GEMIN5: variants seen among roughly 807,000 people sequenced by gnomAD.
The protein encoded by GEMIN5 is gem nuclear organelle associated protein 5, also known as gem-associated protein 5.
In GEMIN5, 124 loss-of-function variants were observed where a neutral mutation model predicts 176.9. The ratio of observed to expected loss-of-function variants is 0.70; its 90% CI spans 0.61 to 0.81. GEMIN5 has a LOEUF of 0.81. Among genes scored for constraint, GEMIN5 ranks in the 40% least tolerant of loss-of-function variants. GEMIN5 has a pLI of 0.00. For missense variants in GEMIN5, 1,843 were observed against 1,814.6 expected (o/e 1.02, Z -0.28); for synonymous variants, 673 against 665.2 (o/e 1.01, Z -0.18).
intron 20 of GEMIN5, among the ~76,000 whole-genome samples, chr5:154,902,225 C>T (rs1236346770): frequency 2.0e-5 from 3 of 152,158 alleles, no homozygotes; most frequent in African/African-American, 7.2e-5. Flanking sequence ...TTAAGCAATC[C>T]TCCTGCCTCA....
intron 21 of GEMIN5, among the ~76,000 whole-genome samples, chr5:154,900,502 G>GC (rs1327311897): frequency 6.6e-6 from 1 of 152,200 alleles, no homozygotes; most frequent in Non-Finnish European, 1.5e-5. Context: ...AGGATGGTCA[G>GC]CCCTAAGAGA....
At chr5:154,933,544 T>C (rs1316767977) in intron 3 of GEMIN5, among the ~76,000 whole-genome samples, 2 of 152,232 alleles carry the variant, frequency 1.3e-5, no homozygotes, top group East Asian at 3.8e-4. Flanking sequence ...TGATGACTAG[T>C]AATGGAACTG....
rs1328906704 is a variant in GEMIN5, at chr5:154,887,861, G to C, written c.*349C>G. ...GATGAAGTATTTACAAAGGTAGCTTGTGTTTTAAGCATGTAACACTTTGGG... is the reference window on the plus strand; with the variant it reads ...GATGAAGTATTTACAAAGGTAGCTTCTGTTTTAAGCATGTAACACTTTGGG... On this transcript the variant is annotated 3_prime_UTR_variant, in exon 28 of 28. Transcript: ENST00000285873. 4.3e-6 allele frequency: 1 copy of C among 234,746 alleles called. No individual in the cohort carries two copies. The highest frequency in any genetic ancestry group is 8.3e-6 in the Non-Finnish European group (1 of 121,060). The allele number at this position is 234,746 out of a possible 1,614,324, so 14.5% of individuals were successfully genotyped here. A position where few individuals can be genotyped will look rare whatever the true frequency, so the allele number is the denominator to read the frequency against.
intron 6 of GEMIN5, 113 bp downstream of exon 6, chr5:154,928,414 A>C: frequency 3.4e-6 from 3 of 892,506 alleles, no homozygotes; most frequent in Non-Finnish European, 5.3e-6. Context: ...TTTCCATTTC[A>C]AATGGCCCAT....
intron 3 of GEMIN5, 147 bp downstream of exon 3, chr5:154,935,694 G>A (rs1764252863): frequency 1.6e-6 from 1 of 609,162 alleles, no homozygotes; most frequent in South Asian, 2.1e-5. Context: ...AGACCTGGAG[G>A]AATAAATGAT....
chr5:154,927,456 C>T lies in GEMIN5; in HGVS notation c.1009G>A (p.Val337Met), dbSNP rs147970218. The T allele has an allele frequency of 1.2e-6, 2 of 1,601,706 alleles. No homozygotes were observed. Among genetic ancestry groups the T allele is most frequent in the African/African-American group, 2.7e-5 (2 of 74,772 alleles). The change falls in exon 7 of 28, where the codon GTG becomes ATG. Residue 337 changes from valine to methionine, a missense_variant. Physicochemically the swap from Val to Met is conservative, Grantham distance 21. Coordinates refer to ENST00000285873, the MANE Select transcript of GEMIN5 (RefSeq NM_015465.5). Reference protein sequence around the residue: ...SSEGQNHSRIVFNLCPLQTED... With the variant: ...SSEGQNHSRIMFNLCPLQTED... ...GTTTGTAAAGGACATAAATTAAACA[C>T]AATTCTTGAATGATTTTGCCCTTCT...
intron 4 of GEMIN5, among the ~76,000 whole-genome samples, 171 bp downstream of exon 4, chr5:154,931,928 G>A (rs914768568): frequency 2.6e-5 from 4 of 152,216 alleles, no homozygotes; most frequent in African/African-American, 4.8e-5. Flanking sequence ...CAGGAGAATC[G>A]CTTGAACCCG....
chr5:154,907,711 C>T lies in GEMIN5; in HGVS notation c.2275G>A (p.Asp759Asn). The change falls in exon 16 of 28, where the codon GAT becomes AAT. Residue 759 changes from aspartate (D) to asparagine (N), a missense_variant. Asp to Asn is a conservative substitution (Grantham distance 23). Coordinates refer to ENST00000285873, the MANE Select transcript of GEMIN5 (RefSeq NM_015465.5). ...TTCATGCTTTCTTCTTCATTTCCAT[C>T]AATCGATTCCAGCTTTACAGGAGTT... ...LRTPVKLESIDGNEEESMKEN... is the reference protein window; with the variant it reads ...LRTPVKLESINGNEEESMKEN... 1 of 1,614,128 alleles carries T rather than the reference C, an allele frequency of 6.2e-7. No homozygotes were observed. Among genetic ancestry groups the T allele is most frequent in the Non-Finnish European group, 8.5e-7 (1 of 1,179,990 alleles).
At position 154,924,531 on chromosome 5, in the gene GEMIN5, T is replaced by G; in HGVS notation, c.1317A>C (p.Glu439Asp). Residue 439 changes from glutamate to aspartate, a missense_variant, in exon 9 of 28, where the codon GAA (glutamate) becomes GAC (aspartate). Physicochemically the swap from Glu to Asp is conservative, Grantham distance 45 (BLOSUM62 2). Coordinates refer to ENST00000285873, the MANE Select transcript of GEMIN5 (RefSeq NM_015465.5). ...CATCAGTTCCAAAAGCTAAGCAACCTTCCTTGGTTGGGTGCCAGCACAGCT... is the reference window on the plus strand; with the variant it reads ...CATCAGTTCCAAAAGCTAAGCAACCGTCCTTGGTTGGGTGCCAGCACAGCT... ...VTALCWHPTKEGCLAFGTDDG... is the reference protein window; with the variant it reads ...VTALCWHPTKDGCLAFGTDDG... 3.1e-6 allele frequency: 5 copies of G among 1,611,858 alleles called. No homozygotes were observed. The highest frequency in any genetic ancestry group is 4.2e-6 in the Non-Finnish European group (5 of 1,178,036).
At chr5:154,897,113 T>C (rs816745) in intron 23 of GEMIN5, among the ~76,000 whole-genome samples, 146,159 of 152,310 alleles carry the variant, frequency 0.96, 70,187 homozygotes, top group South Asian at 0.99. Context: ...ATTAAAATCT[T>C]TCTAGACTTG....
chr5:154,897,931 TGAGACAGAGTCCCACTA>T lies in GEMIN5; in HGVS notation c.3345+492_3345+508del, dbSNP rs1763385356. 2.7e-5 allele frequency among the ~76,000 whole-genome samples: 4 copies of T among 150,330 alleles called. No homozygotes were observed. The South Asian group carries it at 8.5e-4, about 32-fold the overall frequency. ...TTTTTTGTGTTTTTTTTTTTTTTTTTGAGACAGAGTCCCACTATGTTGCCCAGGCTGGATCTTGGCTC... is the reference window on the plus strand; with the variant it reads ...TTTTTTGTGTTTTTTTTTTTTTTTTTTGTTGCCCAGGCTGGATCTTGGCTC... On this transcript the variant is annotated intron_variant, in intron 23 of 27. Coordinates refer to ENST00000285873, the MANE Select transcript of GEMIN5 (RefSeq NM_015465.5).
At chr5:154,914,446 A>C (rs1763772535) in intron 13 of GEMIN5, among the ~76,000 whole-genome samples, 1 of 152,034 alleles carries the variant, frequency 6.6e-6, no homozygotes, top group South Asian at 2.1e-4. Context: ...AAAAATCACT[A>C]TTAAGAACAT....
rs1031104486 is a variant in GEMIN5, at chr5:154,902,398, G to T, written c.2866+141C>A. 8.3e-6 allele frequency: 6 copies of T among 725,396 alleles called. No homozygotes were observed. In the African/African-American group the frequency reaches 1.1e-4, roughly 13 times the overall value. The allele number at this position is 725,396 out of a possible 1,614,324, so 44.9% of individuals were successfully genotyped here. A position where few individuals can be genotyped will look rare whatever the true frequency, so the allele number is the denominator to read the frequency against. ...CAAAGGGGTTGGGTTGGATTTATTA[G>T]TTTGTCTATTGCTGTCTATTGCTTT... On this transcript the variant is annotated intron_variant, in intron 20 of 27. Coordinates refer to ENST00000285873, the MANE Select transcript of GEMIN5 (RefSeq NM_015465.5).
chr5:154,928,337 C>T (rs1010118007), intron 6 of GEMIN5, among the ~76,000 whole-genome samples, 190 bp downstream of exon 6: 1 of 152,168 alleles, frequency 6.6e-6, no homozygotes, highest in African/African-American at 2.4e-5. Flanking sequence ...TCCTAACTGC[C>T]GGACTATACT....
rs911806092 is a variant in GEMIN5 at position 154,915,164 on chromosome 5, A to G, written c.1855+1834T>C. Among the ~76,000 whole-genome samples, 15 of 152,362 alleles carry G rather than the reference A, an allele frequency of 9.8e-5. No homozygotes were observed. The South Asian group carries it at 2.9e-3, about 29-fold the overall frequency. On this transcript the variant is annotated intron_variant, in intron 13 of 27. Transcript: ENST00000285873. Reference sequence around the variant, plus strand: ...ACACTGTCTACTATTTATTACTAGGAAAACACATCTACATTTTAATACTTT... The same window carrying G: ...ACACTGTCTACTATTTATTACTAGGGAAACACATCTACATTTTAATACTTT...
intron 5 of GEMIN5, among the ~76,000 whole-genome samples, chr5:154,928,949 C>T (rs1376683676): frequency 6.6e-6 from 1 of 151,012 alleles, no homozygotes; most frequent in Non-Finnish European, 1.5e-5. Context: ...TTTGGCCGGG[C>T]GCGGTGGCTC....
chr5:154,938,023 G>A lies in GEMIN5; in HGVS notation c.111C>T (p.Phe37=), dbSNP rs1236255207. The change falls in exon 1 of 28, where the codon TTC becomes TTT. Residue 37 remains phenylalanine (F), a synonymous_variant. Coordinates refer to ENST00000285873, the MANE Select transcript of GEMIN5 (RefSeq NM_015465.5). ...CTGCGCCCGGGCCCACGCGGACAAGGAAGACGGAGGTCCGCGCGGCGAAGC... is the reference window on the plus strand; with the variant it reads ...CTGCGCCCGGGCCCACGCGGACAAGAAAGACGGAGGTCCGCGCGGCGAAGC... ...LFGFAARTSV[F]LVRVGPGAGE... is the part of the protein sequence containing the mutation. 4.5e-6 allele frequency: 7 copies of A among 1,562,408 alleles called. No individual in the cohort carries two copies. The highest frequency in any genetic ancestry group is 6.0e-6 in the Non-Finnish European group (7 of 1,157,840).
chr5:154,902,764 A>G (rs983447235), intron 19 of GEMIN5, 88 bp from the exon 20 acceptor site: 24 of 1,340,070 alleles, frequency 1.8e-5, no homozygotes, highest in Non-Finnish European at 2.3e-5. Flanking sequence ...TAGAAGAGAA[A>G]GTGAGCTCCT....
chr5:154,935,565 A>C (rs1764249889), intron 3 of GEMIN5, among the ~76,000 whole-genome samples: 1 of 152,200 alleles, frequency 6.6e-6, no homozygotes, highest in African/African-American at 2.4e-5. Flanking sequence ...AAAGCGAAAA[A>C]GGTGAAAGAG....
Sources: gnomAD v4.1 joint callset for allele counts (sites outside exome capture counted in the v4.1 genomes callset) on GRCh38, gnomAD v4.1.1 for gene constraint, MANE v1.5 for transcripts, NCBI Gene and HGNC (gene_info 2026-07-23, HGNC 2026-07-21) for gene names.